The following PCNT variants were observed in gnomAD, a reference collection of about 807,000 sequenced individuals.
PCNT encodes pericentrin, also known as kendrin.
PCNT carries 319 observed loss-of-function variants against 380.4 expected under a neutral mutation model. The ratio of observed to expected loss-of-function variants is 0.84; its 90% CI spans 0.77 to 0.92. The LOEUF is 0.92. Among genes scored for constraint, PCNT ranks in the 40% least tolerant of loss-of-function variants. The pLI, the probability that PCNT is intolerant of heterozygous loss-of-function variation, is 0.00. For synonymous variants in PCNT, 1,845 were observed against 1,735.2 expected (o/e 1.06, Z -1.57); for missense variants, 4,400 against 4,255.3 (o/e 1.03, Z -0.95).
intron 32 of PCNT, among the ~76,000 whole-genome samples, chr21:46,423,408 C>G (rs969789775): frequency 2.6e-5 from 4 of 151,728 alleles, no homozygotes; most frequent in African/African-American, 9.7e-5. Flanking sequence ...CCAGGCTGGT[C>G]TTGAGCTCCT....
In PCNT at chr21:46,388,423, C is replaced by T. The variant is rs370032174; in HGVS notation, c.3465-319C>T. On this transcript the variant is annotated intron_variant, in intron 17 of 46. Coordinates refer to ENST00000359568, the MANE Select transcript of PCNT (RefSeq NM_006031.6). The surrounding 1 kb of genome is among the most constrained non-coding windows in gnomAD (Gnocchi z 4.2). ...CTGTGTGCTGCTCCCGGGTGATTGA[C>T]GCTGTGCGGCCACATCGCACACCTG... is the stretch of plus-strand genomic sequence containing the variant. 1.3e-5 allele frequency among the ~76,000 whole-genome samples: 2 copies of T among 152,190 alleles called. No individual in the cohort carries two copies. The highest frequency in any genetic ancestry group is 6.5e-5 in the Admixed American group (1 of 15,288).
In PCNT at chr21:46,425,359, C is replaced by G. The variant is rs946231517; in HGVS notation, c.7180-472C>G. The stretch of plus-strand genomic sequence containing the variant: ...GGCAGCTTCACCCCACGCTGGTGGT[C>G]GGCACTGGCCTCAGCCGGACCACGC... On this transcript the variant is annotated intron_variant, in intron 32 of 46. Coordinates refer to ENST00000359568, the MANE Select transcript of PCNT (RefSeq NM_006031.6). This position sits in a 1 kb window ranked among gnomAD's most constrained non-coding sequence, Gnocchi z 4.2. 6.6e-6 allele frequency among the ~76,000 whole-genome samples: 1 copy of G among 152,230 alleles called. No individual in the cohort carries two copies. Among genetic ancestry groups the G allele is most frequent in the Non-Finnish European group, 1.5e-5 (1 of 68,042 alleles).
chr21:46,426,674 G>A (rs2087520970), intron 33 of PCNT, among the ~76,000 whole-genome samples: 1 of 152,166 alleles, frequency 6.6e-6, no homozygotes, highest in Non-Finnish European at 1.5e-5. Context: ...CCCAGCAACT[G>A]GACCTCAGGG....
At chr21:46,423,517 A>C (rs1450685543) in intron 32 of PCNT, among the ~76,000 whole-genome samples, 1 of 151,642 alleles carries the variant, frequency 6.6e-6, no homozygotes. Context: ...ATAAAACGTC[A>C]AGGAGATGTT....
Position 46,430,001 on chromosome 21 carries a change from C to A in PCNT, c.7691-9C>A. Reference sequence around the variant, plus strand: ...TGGGGGCCTGTTACTGTTCTTTTGTCTTTCTCAGTTGAACTGCTGGCTTAT... The same window carrying A: ...TGGGGGCCTGTTACTGTTCTTTTGTATTTCTCAGTTGAACTGCTGGCTTAT... On this transcript the variant is annotated splice_polypyrimidine_tract_variant and intron_variant, in intron 35 of 46. Coordinates refer to ENST00000359568, the MANE Select transcript of PCNT (RefSeq NM_006031.6). 1 of 1,612,902 alleles carries A rather than the reference C, an allele frequency of 6.2e-7. No homozygotes were observed. Among genetic ancestry groups the A allele is most frequent in the South Asian group, 1.1e-5 (1 of 91,032 alleles).
intron 3 of PCNT, among the ~76,000 whole-genome samples, chr21:46,344,717 G>A (rs2084011559): frequency 6.6e-6 from 1 of 152,234 alleles, no homozygotes; most frequent in South Asian, 2.1e-4. Context: ...GGCGCCAGTC[G>A]AGGGGCAGGA....
rs1363642890 is a variant in PCNT, at chr21:46,384,008, G to A, written c.3313-1824G>A. The stretch of plus-strand genomic sequence containing the variant: ...ATGTTGTATATTCAGTGGCGGAAGC[G>A]CATTCACAGTGTTGTATATTCAGTG... On this transcript the variant is annotated intron_variant, in intron 16 of 46. Coordinates refer to ENST00000359568, the MANE Select transcript of PCNT (RefSeq NM_006031.6). Among the ~76,000 whole-genome samples the A allele has an allele frequency of 2.8e-4, 40 of 143,386 alleles. 1 individual carries two copies. The highest frequency in any genetic ancestry group is 8.8e-4 in the African/African-American group (34 of 38,812). 94.1% of individuals were successfully genotyped at this position (143,386 alleles called of 152,430 possible).
intron 28 of PCNT, 143 bp from the exon 29 acceptor site, chr21:46,412,694 G>A (rs1602010517): frequency 2.3e-6 from 2 of 885,622 alleles, no homozygotes; most frequent in East Asian, 4.8e-5. Flanking sequence ...TGTGGACCAA[G>A]GTGCTCGGCT....
chr21:46,371,218 T>G (rs28536617), intron 15 of PCNT, among the ~76,000 whole-genome samples: 24 of 70,476 alleles, frequency 3.4e-4, no homozygotes, highest in African/African-American at 9.2e-4. Flanking sequence ...TTCTTTCTTT[T>G]TTTTTTTTTT....
rs1198670960 is a variant in PCNT, at chr21:46,334,462, C to T, written c.333C>T (p.Asp111=). ...LEQLQQKQVN[D]HPPEQCGMFT... ...AGCTGCAGCAGAAGCAAGTCAATGA[C>T]CATCCTCCAGAGCAGTGTGGGATGT... is the stretch of plus-strand genomic sequence containing the variant. Residue 111 remains aspartate, a synonymous_variant, in exon 3 of 47, where the codon GAC becomes GAT. Transcript: ENST00000359568. The T allele has an allele frequency of 6.2e-7, 1 of 1,614,226 alleles. No homozygotes were observed. The highest frequency in any genetic ancestry group is 1.3e-5 in the African/African-American group (1 of 75,068).
rs769060337 is a variant in PCNT at position 46,416,196 on chromosome 21, A to G, written c.6278A>G (p.Asp2093Gly). The G allele has an allele frequency of 5.0e-5, 80 of 1,614,094 alleles. No individual in the cohort carries two copies. Among genetic ancestry groups the G allele is most frequent in the Admixed American group, 1.3e-4 (8 of 60,010 alleles). Residue 2093 changes from aspartate (D) to glycine (G), a missense_variant, in exon 30 of 47, where the codon GAC (aspartate) becomes GGC (glycine). Physicochemically the swap from Asp to Gly is moderately conservative, Grantham distance 94. Coordinates refer to ENST00000359568, the MANE Select transcript of PCNT (RefSeq NM_006031.6). ...SMTFQNVDAA[D>G]TKSLWPMASA... ...ACCTTCCAGAATGTGGATGCTGCCG[A>G]CACCAAATCTCTGTGGCCCATGGCC...
At chr21:46,384,233 C>T (rs1412008269) in intron 16 of PCNT, among the ~76,000 whole-genome samples, 1 of 146,592 alleles carries the variant, frequency 6.8e-6, no homozygotes, top group Non-Finnish European at 1.5e-5. Context: ...GTTGTGCGTT[C>T]AGTGGCGGAA....
At chr21:46,413,194 CG>C in intron 29 of PCNT, among the ~76,000 whole-genome samples, 1 of 111,842 alleles carries the variant, frequency 8.9e-6, no homozygotes, top group African/African-American at 3.8e-5. Context: ...GGGGAAGGCA[CG>C]AGGCCCACCC....
chr21:46,346,505 C>T (rs942160398), intron 4 of PCNT, among the ~76,000 whole-genome samples: 7 of 152,292 alleles, frequency 4.6e-5, no homozygotes, highest in Admixed American at 3.3e-4. Flanking sequence ...CGTCATACAG[C>T]GAGGGAATTC....
rs76567532 is a variant in PCNT at position 46,425,467 on chromosome 21, C to T, written c.7180-364C>T. 0.03 allele frequency among the ~76,000 whole-genome samples: 4,617 copies of T among 152,310 alleles called. 101 individuals carry two copies. Among genetic ancestry groups the T allele is most frequent in the Non-Finnish European group, 0.048 (3,275 of 68,022 alleles). ...GGAGTGTGTGATATGTTTGTGATCT[C>T]GCTGTGGACATTGGCCTAAAGCCCT... On this transcript the variant is annotated intron_variant, in intron 32 of 46. Transcript: ENST00000359568. The surrounding 1 kb of genome is among the most constrained non-coding windows in gnomAD (Gnocchi z 4.2).
At chr21:46,348,500 A>T (rs1424997506) in intron 6 of PCNT, among the ~76,000 whole-genome samples, 1 of 152,018 alleles carries the variant, frequency 6.6e-6, no homozygotes, top group African/African-American at 2.4e-5. Flanking sequence ...GTCCTTGCTC[A>T]CTTTTCCTCA....
At position 46,367,082 on chromosome 21, in the gene PCNT, C is replaced by A; in HGVS notation, c.3108C>A (p.Thr1036=). 6.2e-7 allele frequency: 1 copy of A among 1,613,838 alleles called. No individual in the cohort carries two copies. The highest frequency in any genetic ancestry group is 8.5e-7 in the Non-Finnish European group (1 of 1,180,000). The part of the protein sequence containing the change: ...ELQSVRDHLR[T]EVSTELAGTV... Reference sequence around the variant, plus strand: ...AGTCTGTGCGGGACCACCTGCGAACCGAAGTGAGCACAGAGCTCGCCGGAA... The same window carrying A: ...AGTCTGTGCGGGACCACCTGCGAACAGAAGTGAGCACAGAGCTCGCCGGAA... The change falls in exon 15 of 47, where the codon ACC becomes ACA. Residue 1036 remains threonine (T), a synonymous_variant. Transcript: ENST00000359568.
intron 13 of PCNT, among the ~76,000 whole-genome samples, chr21:46,362,914 T>C (rs2146843792): frequency 6.6e-6 from 1 of 152,190 alleles, no homozygotes; most frequent in South Asian, 2.1e-4. Flanking sequence ...TTCTCCTTCA[T>C]CCCCCTCTGC....
intron 34 of PCNT, among the ~76,000 whole-genome samples, 198 bp from the exon 35 acceptor site, chr21:46,428,197 G>A (rs1235327748): frequency 6.6e-6 from 1 of 152,222 alleles, no homozygotes; most frequent in Non-Finnish European, 1.5e-5. Flanking sequence ...TAACTGGCTT[G>A]CAGGCCTCAC....
Sources: allele counts gnomAD v4.1 joint callset (sites outside exome capture counted in the v4.1 genomes callset), GRCh38; gene constraint gnomAD v4.1.1; non-coding constraint Gnocchi (gnomAD v3.1); transcripts MANE v1.5; gene names NCBI Gene and HGNC (gene_info 2026-07-23, HGNC 2026-07-21).